The following SKIC3 variants were observed in gnomAD, a reference collection of about 807,000 sequenced individuals.
The protein encoded by SKIC3 is SKI3 subunit of superkiller complex.
the SKIC3 span, among the ~76,000 whole-genome samples, chr5:95,532,707 C>A: frequency 6.6e-6 from 1 of 152,240 alleles, no homozygotes; most frequent in Non-Finnish European, 1.5e-5. Flanking sequence ...TAAGGTTCCA[C>A]ATTTAACAAC....
At chr5:95,539,544 C>T in the SKIC3 span, among the ~76,000 whole-genome samples, 2 of 152,006 alleles carry the variant, frequency 1.3e-5, no homozygotes, top group Non-Finnish European at 2.9e-5. Context: ...GCGGAGACTC[C>T]TTAAAGAACT....
At chr5:95,554,907 G>A in the SKIC3 span, 1 of 207,504 alleles carries the variant, frequency 4.8e-6, no homozygotes, top group Non-Finnish European at 1.0e-5. Flanking sequence ...AGGATCCCTT[G>A]TGCAAAACCG....
chr5:95,543,457 T>C, the SKIC3 span: 1 of 1,035,260 alleles, frequency 9.7e-7, no homozygotes, highest in South Asian at 1.4e-5. Context: ...CAGAATGCCA[T>C]TTAACCTATC....
At chr5:95,552,162 T>G in the SKIC3 span, among the ~76,000 whole-genome samples, 2 of 152,214 alleles carry the variant, frequency 1.3e-5, no homozygotes, top group Non-Finnish European at 2.9e-5. Context: ...CAAGTTAAAA[T>G]GGGTTTATCA....
the SKIC3 span, among the ~76,000 whole-genome samples, chr5:95,510,031 G>T: frequency 6.6e-6 from 1 of 152,074 alleles, no homozygotes; most frequent in African/African-American, 2.4e-5. Flanking sequence ...AAGCCTTCCT[G>T]TGATTAAATT....
At chr5:95,529,110 G>T in the SKIC3 span, 1 of 1,612,824 alleles carries the variant, frequency 6.2e-7, no homozygotes, top group Non-Finnish European at 8.5e-7. Flanking sequence ...ACCCTAAAAG[G>T]ATAAAAACAA....
At chr5:95,481,516 T>G in the SKIC3 span, among the ~76,000 whole-genome samples, 1 of 152,194 alleles carries the variant, frequency 6.6e-6, no homozygotes, top group Admixed American at 6.5e-5. Flanking sequence ...ACTAATACAC[T>G]TATGATATAA....
chr5:95,521,904 TA>T, the SKIC3 span: 1 of 848,438 alleles, frequency 1.2e-6, no homozygotes, highest in Non-Finnish European at 1.8e-6. Flanking sequence ...CAAATTTATA[TA>T]AGCTATACTG....
At chr5:95,494,769 T>C in the SKIC3 span, 1 of 1,613,806 alleles carries the variant, frequency 6.2e-7, no homozygotes, top group Non-Finnish European at 8.5e-7. Context: ...GCCAACTGAT[T>C]TACCGCAGTG....
the SKIC3 span, among the ~76,000 whole-genome samples, chr5:95,542,403 C>T: frequency 7.3e-4 from 111 of 152,088 alleles, no homozygotes; most frequent in Middle Eastern, 3.4e-3. Flanking sequence ...AACCATGCTA[C>T]GTAGTTACCA....
At chr5:95,541,707 A>AC in the SKIC3 span, 732 of 799,830 alleles carry the variant, frequency 9.2e-4, 1 homozygote, top group East Asian at 4.5e-3. Flanking sequence ...AAAAAAAAAA[A>AC]AGCTTCGCAA....
chr5:95,525,484 G>A, the SKIC3 span: 13 of 1,613,918 alleles, frequency 8.1e-6, no homozygotes, highest in Non-Finnish European at 1.1e-5. Flanking sequence ...GGTAAGAAGA[G>A]AGAAGGTCTT....
chr5:95,530,327 T>C, the SKIC3 span: 3 of 1,379,900 alleles, frequency 2.2e-6, no homozygotes, highest in Non-Finnish European at 2.0e-6. Context: ...TATATTCTTA[T>C]GCATTCTTCA....
the SKIC3 span, among the ~76,000 whole-genome samples, chr5:95,465,222 G>A: frequency 1.5e-3 from 228 of 152,160 alleles, no homozygotes; most frequent in African/African-American, 5.3e-3. Context: ...GAGGCACTGC[G>A]CCCAGCCTGA....
the SKIC3 span, among the ~76,000 whole-genome samples, chr5:95,482,252 A>G: frequency 6.6e-6 from 1 of 152,208 alleles, no homozygotes; most frequent in Non-Finnish European, 1.5e-5. Flanking sequence ...AAAATTTAGA[A>G]TCAATAACTT....
the SKIC3 span, chr5:95,523,925 A>T: frequency 7.7e-7 from 1 of 1,292,786 alleles, no homozygotes; most frequent in East Asian, 2.5e-5. Context: ...CAGATTAAAG[A>T]AAAAAGAAAT....
At chr5:95,553,759 A>G in the SKIC3 span, among the ~76,000 whole-genome samples, 1 of 152,134 alleles carries the variant, frequency 6.6e-6, no homozygotes, top group Non-Finnish European at 1.5e-5. Flanking sequence ...GGGTTTCACC[A>G]TGCTGGCCAG....
At chr5:95,535,495 A>G in the SKIC3 span, among the ~76,000 whole-genome samples, 1 of 151,410 alleles carries the variant, frequency 6.6e-6, no homozygotes, top group Non-Finnish European at 1.5e-5. Context: ...TATTTTTAGT[A>G]GAGACGCGGT....
At chr5:95,532,972 G>GA in the SKIC3 span, among the ~76,000 whole-genome samples, 5 of 151,874 alleles carry the variant, frequency 3.3e-5, no homozygotes, top group African/African-American at 1.2e-4. Flanking sequence ...CTTGAGGGGG[G>GA]AAAAAAACCA....
Sources: gnomAD v4.1 joint callset for allele counts (sites outside exome capture counted in the v4.1 genomes callset) on GRCh38, gnomAD v4.1.1 for gene constraint, MANE v1.5 for transcripts, NCBI Gene and HGNC (gene_info 2026-07-23, HGNC 2026-07-21) for gene names.